Variants in CLRN3 observed in about 807,000 individuals in gnomAD.
The protein encoded by CLRN3 is clarin-3.
CLRN3 carries 12 observed loss-of-function variants against 16.7 expected under a neutral mutation model. The observed-to-expected ratio is 0.72, with a 90% CI of 0.46 to 1.16. The LOEUF is 1.16. Among genes scored for constraint, CLRN3 ranks in the 50% most tolerant of loss-of-function variants. The probability of loss-of-function intolerance (pLI) is 0.00; values close to 1 mark genes in which losing one functional copy is unlikely to be tolerated. For synonymous variants in CLRN3, 118 were observed against 113.0 expected, an observed-to-expected ratio of 1.04 and a Z score of -0.28; for missense variants, 296 against 274.2, an observed-to-expected ratio of 1.08 and a Z score of -0.56.
At chr10:127,879,533 T>C (rs11018383) in intron 2 of CLRN3, among the ~76,000 whole-genome samples, 69,157 of 151,330 alleles carry the variant, frequency 0.46, 18,903 homozygotes, top group South Asian at 0.59. Flanking sequence ...CTGAGCCTCA[T>C]TCCTCATCTT....
At chr10:127,891,844 T>C (rs1845260989) in intron 1 of CLRN3, among the ~76,000 whole-genome samples, 1 of 152,240 alleles carries the variant, frequency 6.6e-6, no homozygotes, top group Non-Finnish European at 1.5e-5. Context: ...CCACTTAATG[T>C]GTTACATAAT....
intron 1 of CLRN3, among the ~76,000 whole-genome samples, chr10:127,886,923 G>T (rs568483550): frequency 6.9e-4 from 105 of 152,300 alleles, no homozygotes; most frequent in South Asian, 6.4e-3. Context: ...CCTGGGTCAC[G>T]CCAGCCACTG....
At position 127,878,308 on chromosome 10, in the gene CLRN3, G is replaced by C. The variant is rs758125833; in HGVS notation, c.522C>G (p.Thr174=). 5 of 1,614,194 alleles carry C rather than the reference G, an allele frequency of 3.1e-6. No homozygotes were observed. The East Asian group carries it at 1.1e-4, about 36-fold the overall frequency. ...GCCAGAACGAGTATCCGTAACTGTG[G>C]GTCGTTCCTTTACTGGTGGTTGCCG... ...LYPATTSKGT[T]HSYGYSFWLI... Residue 174 remains threonine, a synonymous_variant, in exon 3 of 3, where the codon ACC becomes ACG. Coordinates refer to ENST00000368671, the MANE Select transcript of CLRN3 (RefSeq NM_152311.5).
chr10:127,884,923 G>C (rs1409634276), intron 1 of CLRN3, among the ~76,000 whole-genome samples: 1 of 152,196 alleles, frequency 6.6e-6, no homozygotes, highest in African/African-American at 2.4e-5. Flanking sequence ...CAGGACATGG[G>C]AGAAAGGGAT....
At chr10:127,885,574 T>C (rs951195626) in intron 1 of CLRN3, among the ~76,000 whole-genome samples, 1 of 152,078 alleles carries the variant, frequency 6.6e-6, no homozygotes, top group African/African-American at 2.4e-5. Context: ...TTTCTCTTTC[T>C]CTCTTTTTCT....
At position 127,884,051 on chromosome 10, in the gene CLRN3, G is replaced by A. The variant is rs945411578; in HGVS notation, c.230-176C>T. The stretch of plus-strand genomic sequence containing the variant: ...AGACCCGCATTCCCCACTGGAGGCT[G>A]GTTGTTGAATCAGTGGTTGGATGGG... On this transcript the variant is annotated intron_variant, in intron 1 of 2. Transcript: ENST00000368671. Among the ~76,000 whole-genome samples, 28 of 152,318 alleles carry A rather than the reference G, an allele frequency of 1.8e-4. No individual in the cohort carries two copies. The South Asian group carries it at 3.1e-3, about 17-fold the overall frequency.
chr10:127,890,928 AGAGT>A (rs145199000), intron 1 of CLRN3, among the ~76,000 whole-genome samples: 9,699 of 152,298 alleles, frequency 0.064, 423 homozygotes, highest in Middle Eastern at 0.11. Flanking sequence ...GGTGTCAACC[AGAGT>A]GACAGTGCAG....
chr10:127,886,863 T>G (rs185510548), intron 1 of CLRN3, among the ~76,000 whole-genome samples: 1 of 152,326 alleles, frequency 6.6e-6, no homozygotes, highest in East Asian at 1.9e-4. Flanking sequence ...CGTGGTGAAA[T>G]TCTCAGCATA....
At position 127,878,075 on chromosome 10, in the gene CLRN3, C is replaced by T. The variant is rs1399790685; in HGVS notation, c.*74G>A. The T allele has an allele frequency of 5.2e-6, 8 of 1,534,562 alleles. No homozygotes were observed. The East Asian group carries it at 1.4e-4, about 26-fold the overall frequency. ...CAGTCACGTTACCATGCTGAATTGT[C>T]CAGAGAAGCTAACCAGTTACTACTC... On this transcript the variant is annotated 3_prime_UTR_variant, in exon 3 of 3. Transcript: ENST00000368671.
intron 1 of CLRN3, among the ~76,000 whole-genome samples, chr10:127,890,118 A>G (rs1439758169): frequency 6.6e-6 from 1 of 152,256 alleles, no homozygotes; most frequent in African/African-American, 2.4e-5. Context: ...CTCCAAGGCC[A>G]GGAACCATGT....
At chr10:127,881,663 C>G (rs1845129840) in intron 2 of CLRN3, among the ~76,000 whole-genome samples, 1 of 152,218 alleles carries the variant, frequency 6.6e-6, no homozygotes, top group South Asian at 2.1e-4. Context: ...CTGCCAGCCA[C>G]AGAGATTGGT....
At chr10:127,883,418 G>GTGCATTTT in intron 2 of CLRN3, among the ~76,000 whole-genome samples, 1 of 152,326 alleles carries the variant, frequency 6.6e-6, no homozygotes. Flanking sequence ...GTTGACTTTT[G>GTGCATTTT]TGCATTTTGA....
chr10:127,892,073 G>C (rs1347903112), intron 1 of CLRN3, among the ~76,000 whole-genome samples: 1 of 152,062 alleles, frequency 6.6e-6, no homozygotes, highest in Non-Finnish European at 1.5e-5. Context: ...AATTTCCAAC[G>C]ATTAGATTTT....
intron 2 of CLRN3, among the ~76,000 whole-genome samples, chr10:127,882,017 T>C (rs1353190262): frequency 3.3e-5 from 5 of 152,210 alleles, no homozygotes; most frequent in African/African-American, 7.2e-5. Context: ...TAAGTACCAA[T>C]TGGTTTACCT....
intron 2 of CLRN3, among the ~76,000 whole-genome samples, chr10:127,879,759 T>C (rs1845104754): frequency 6.6e-6 from 1 of 152,172 alleles, no homozygotes; most frequent in Admixed American, 6.5e-5. Flanking sequence ...GGGTGAATTG[T>C]ATGGTGTGTG....
intron 2 of CLRN3, among the ~76,000 whole-genome samples, chr10:127,882,972 C>T (rs1013535039): frequency 6.6e-6 from 1 of 152,182 alleles, no homozygotes; most frequent in Admixed American, 6.5e-5. Flanking sequence ...AGCTGCAGAG[C>T]CCTGGAAAAA....
intron 2 of CLRN3, 27 bp from the exon 3 acceptor site, chr10:127,878,447 T>C: frequency 6.2e-7 from 1 of 1,611,736 alleles, no homozygotes; most frequent in South Asian, 1.1e-5. Flanking sequence ...GTTTCATGCA[T>C]GGCATGGTGA....
intron 2 of CLRN3, among the ~76,000 whole-genome samples, chr10:127,880,997 G>T (rs868452865): frequency 1.3e-5 from 2 of 152,118 alleles, no homozygotes; most frequent in Admixed American, 1.3e-4. Flanking sequence ...AAGCTCCTGT[G>T]AGAAAATCAG....
chr10:127,886,212 C>CGACA (rs1836082547), intron 1 of CLRN3, among the ~76,000 whole-genome samples: 1 of 152,178 alleles, frequency 6.6e-6, no homozygotes, highest in African/African-American at 2.4e-5. Flanking sequence ...CAATGAGACC[C>CGACA]GACAATCCCC....
Sources: allele counts gnomAD v4.1 joint callset (sites outside exome capture counted in the v4.1 genomes callset), GRCh38; gene constraint gnomAD v4.1.1; transcripts MANE v1.5; gene names NCBI Gene and HGNC (gene_info 2026-07-23, HGNC 2026-07-21).